The following ACER2 variants were observed in gnomAD, a reference collection of about 807,000 sequenced individuals.
The protein encoded by ACER2 is alkCDase 2.
A neutral mutation model predicts 34.7 loss-of-function variants in ACER2; 26 were observed. That is an observed-to-expected ratio of 0.75 (90% confidence interval 0.55 to 1.04). The LOEUF (loss-of-function observed/expected upper bound fraction) is 1.04. Among genes scored for constraint, ACER2 ranks in the 50% least tolerant of loss-of-function variants. The pLI, the probability that ACER2 is intolerant of heterozygous loss-of-function variation, is 0.00. For missense variants in ACER2, 352 were observed against 340.8 expected (o/e 1.03, Z -0.26); for synonymous variants, 138 against 132.1 (o/e 1.04, Z -0.31).
chr9:19,411,896 C>G (rs561759624), intron 1 of ACER2, among the ~76,000 whole-genome samples: 1 of 152,284 alleles, frequency 6.6e-6, no homozygotes, highest in East Asian at 1.9e-4. Context: ...GTACTGTATA[C>G]TCATTCTAGA....
chr9:19,409,605 A>G (rs537902799), intron 1 of ACER2, among the ~76,000 whole-genome samples: 7 of 151,772 alleles, frequency 4.6e-5, no homozygotes, highest in Non-Finnish European at 1.0e-4. Context: ...TTTGCCCTGA[A>G]TACCTGCTCT....
chr9:19,424,793 C>T lies in ACER2; in HGVS notation c.317C>T (p.Ala106Val). ...CTTTGGGTTCTGATGTGTGCTTTGG[C>T]CATGTGGTTCCCCAGAAGGTATCTA... Reference protein sequence around the residue: ...AVLWVLMCALAMWFPRRYLPK... With the variant: ...AVLWVLMCALVMWFPRRYLPK... Residue 106 changes from alanine (A) to valine (V), a missense_variant, in exon 3 of 6, where the codon GCC (alanine) becomes GTC (valine). Physicochemically the swap from Ala to Val is moderately conservative, Grantham distance 64. Transcript: ENST00000340967. 1 of 1,614,140 alleles carries T rather than the reference C, an allele frequency of 6.2e-7. No homozygotes were observed. Among genetic ancestry groups the T allele is most frequent in the Non-Finnish European group, 8.5e-7 (1 of 1,180,036 alleles).
intron 5 of ACER2, 138 bp downstream of exon 5, chr9:19,446,556 G>T: frequency 4.6e-6 from 7 of 1,511,124 alleles, no homozygotes; most frequent in Non-Finnish European, 6.2e-6. Context: ...ACGGTCAGAT[G>T]GTTCAGAAGC....
chr9:19,438,662 G>C (rs1032123885), intron 4 of ACER2, among the ~76,000 whole-genome samples: 1 of 152,180 alleles, frequency 6.6e-6, no homozygotes, highest in Non-Finnish European at 1.5e-5. Flanking sequence ...AGAATGTTCT[G>C]GATTTAGCTC....
chr9:19,437,595 C>T (rs1218037661), intron 4 of ACER2, among the ~76,000 whole-genome samples: 1 of 152,194 alleles, frequency 6.6e-6, no homozygotes, highest in African/African-American at 2.4e-5. Flanking sequence ...GTTGTCTAAG[C>T]TTCCCTTAGA....
At position 19,435,959 on chromosome 9, in the gene ACER2, G is replaced by T. The variant is rs547030218; in HGVS notation, c.503+875G>T. On this transcript the variant is annotated intron_variant, in intron 4 of 5. Transcript: ENST00000340967. ...AGCTACTTGGGAGGCTGAGGCAGGA[G>T]AATGGTGTGAACCCGGGAGGCGGAG... 5.7e-4 allele frequency among the ~76,000 whole-genome samples: 87 copies of T among 152,228 alleles called. 1 individual carries two copies. Among genetic ancestry groups the T allele is most frequent in the Non-Finnish European group, 8.7e-4 (59 of 68,016 alleles).
rs10117316 is a variant in ACER2, at chr9:19,440,422, T to C, written c.503+5338T>C. Reference sequence around the variant, plus strand: ...TTAGGAGGTGGGCCCTTTTGGAAGGTGTTTAAGTCAGTGGGGGTAGAGCCC... The same window carrying C: ...TTAGGAGGTGGGCCCTTTTGGAAGGCGTTTAAGTCAGTGGGGGTAGAGCCC... On this transcript the variant is annotated intron_variant, in intron 4 of 5. Coordinates refer to ENST00000340967, the MANE Select transcript of ACER2 (RefSeq NM_001010887.3). Among the ~76,000 whole-genome samples the C allele has an allele frequency of 5.1e-3, 782 of 152,246 alleles. 9 individuals are homozygous for C. The highest frequency in any genetic ancestry group is 0.018 in the African/African-American group (758 of 41,548).
rs959264721 is a variant in ACER2 at position 19,424,926 on chromosome 9, G to A, written c.365+85G>A. 5.0e-5 allele frequency: 77 copies of A among 1,530,030 alleles called. 4 individuals are homozygous for A. Among genetic ancestry groups the A allele is most frequent in the Non-Finnish European group, 3.8e-5 (43 of 1,124,406 alleles). 94.8% of individuals were successfully genotyped at this position (1,530,030 alleles called of 1,614,324 possible). ...GTATATATGAAGAAAAATAGCACAT[G>A]ATTGAACTCAGCCTAGTGATGAGCT... On this transcript the variant is annotated intron_variant, in intron 3 of 5. Coordinates refer to ENST00000340967, the MANE Select transcript of ACER2 (RefSeq NM_001010887.3).
chr9:19,420,294 T>C (rs1180834679), intron 1 of ACER2, among the ~76,000 whole-genome samples: 7 of 152,198 alleles, frequency 4.6e-5, no homozygotes, highest in South Asian at 2.1e-4. Flanking sequence ...TATTCACCTA[T>C]TTTTGAATGT....
At chr9:19,431,128 CAAT>C (rs1440070777) in intron 3 of ACER2, among the ~76,000 whole-genome samples, 2 of 151,838 alleles carry the variant, frequency 1.3e-5, no homozygotes, top group African/African-American at 2.4e-5. Flanking sequence ...ATATCAACAA[CAAT>C]AATATTATTT....
intron 4 of ACER2, among the ~76,000 whole-genome samples, chr9:19,442,291 T>C (rs1368342589): frequency 6.6e-6 from 1 of 152,232 alleles, no homozygotes; most frequent in Non-Finnish European, 1.5e-5. Context: ...ACTTTTCTCT[T>C]GTAGAATAAG....
intron 1 of ACER2, among the ~76,000 whole-genome samples, chr9:19,418,468 C>A (rs1830302658): frequency 6.6e-6 from 1 of 152,136 alleles, no homozygotes; most frequent in Non-Finnish European, 1.5e-5. Flanking sequence ...CAGTGATAGA[C>A]TGGATAAAGA....
chr9:19,434,951 A>G lies in ACER2; in HGVS notation c.370A>G (p.Arg124Gly), dbSNP rs142761991. The G allele has an allele frequency of 1.2e-4, 194 of 1,613,386 alleles. No individual in the cohort carries two copies. Among genetic ancestry groups the G allele is most frequent in the Non-Finnish European group, 1.6e-4 (188 of 1,180,006 alleles). Residue 124 changes from arginine to glycine, a missense_variant, in exon 4 of 6, where the codon AGG becomes GGG. Physicochemically the swap from Arg to Gly is moderately radical, Grantham distance 125. Transcript: ENST00000340967. The stretch of plus-strand genomic sequence containing the variant: ...GTTTTGCTTTCATGGATTCAGGGGT[A>G]GGTTCAAGGTGGTGGTCAGTGTCCT... ...LPKIFRNDRG[R>G]FKVVVSVLSA...
In ACER2 at chr9:19,428,776, GTTTTTTTTTTTTTTT is replaced by G. The variant is rs10569579; in HGVS notation, c.365+3952_365+3966del. On this transcript the variant is annotated intron_variant, in intron 3 of 5. Coordinates refer to ENST00000340967, the MANE Select transcript of ACER2 (RefSeq NM_001010887.3). ...TTATGAATGGCTTATGGACAAGTGG[GTTTTTTTTTTTTTTT>G]TTTTTTTTTTTTTTTTGAGATGAAG... Among the ~76,000 whole-genome samples, 16 of 77,894 alleles carry G rather than the reference GTTTTTTTTTTTTTTT, an allele frequency of 2.1e-4. No individual in the cohort carries two copies. The East Asian group carries it at 3.0e-3, about 15-fold the overall frequency. 51.1% of individuals were successfully genotyped at this position (77,894 alleles called of 152,430 possible).
At chr9:19,445,818 G>A (rs1314901947) in intron 4 of ACER2, among the ~76,000 whole-genome samples, 1 of 152,198 alleles carries the variant, frequency 6.6e-6, no homozygotes, top group African/African-American at 2.4e-5. Context: ...GCTGGAGGCT[G>A]TTAAATTGGC....
intron 5 of ACER2, among the ~76,000 whole-genome samples, chr9:19,447,030 A>G (rs148423830): frequency 1.3e-5 from 2 of 152,288 alleles, no homozygotes; most frequent in Non-Finnish European, 2.9e-5. Flanking sequence ...CTAAGTTAAA[A>G]AAAAAAAAGC....
rs1831577426 is a variant in ACER2, at chr9:19,451,758, A to G, written c.*1122A>G. 6.6e-6 allele frequency: 1 copy of G among 152,166 alleles called. No homozygotes were observed. Among genetic ancestry groups the G allele is most frequent in the Non-Finnish European group, 1.5e-5 (1 of 68,044 alleles). 9.4% of individuals were successfully genotyped at this position (152,166 alleles called of 1,614,324 possible). A position where few individuals can be genotyped will look rare whatever the true frequency, so the allele number is the denominator to read the frequency against. On this transcript the variant is annotated 3_prime_UTR_variant, in exon 6 of 6. Coordinates refer to ENST00000340967, the MANE Select transcript of ACER2 (RefSeq NM_001010887.3). The stretch of plus-strand genomic sequence containing the variant: ...CAATTGTGGTGGGGGTTCTGGTTCA[A>G]AATTTGGAGCAAACATGAAGTTTTT...
chr9:19,428,803 T>C (rs886999544), intron 3 of ACER2, among the ~76,000 whole-genome samples: 2 of 131,562 alleles, frequency 1.5e-5, no homozygotes, highest in African/African-American at 2.8e-5. Context: ...TTTTTTTTTT[T>C]TTTTGAGATG....
chr9:19,446,184 G>A, intron 4 of ACER2, 97 bp from the exon 5 acceptor site: 1 of 1,554,768 alleles, frequency 6.4e-7, no homozygotes, highest in Non-Finnish European at 8.9e-7. Context: ...GGGGTTGTAG[G>A]CATGAGAGGA....
Sources: gnomAD v4.1 joint callset for allele counts (sites outside exome capture counted in the v4.1 genomes callset) on GRCh38, gnomAD v4.1.1 for gene constraint, MANE v1.5 for transcripts, NCBI Gene and HGNC (gene_info 2026-07-23, HGNC 2026-07-21) for gene names.